Variants in CCDC73 observed in about 807,000 individuals in gnomAD.
The protein encoded by CCDC73 is coiled-coil domain containing 73.
CCDC73 carries 95 observed loss-of-function variants against 116.5 expected under a neutral mutation model. The ratio of observed to expected loss-of-function variants is 0.82; its 90% CI spans 0.69 to 0.97. The LOEUF is 0.97. CCDC73 is among the 50% of genes least tolerant of loss of function. The pLI, the probability that CCDC73 is intolerant of heterozygous loss-of-function variation, is 0.00. For synonymous variants in CCDC73, 398 were observed against 401.3 expected (o/e 0.99, Z 0.10); for missense variants, 1,066 against 1,206.8 (o/e 0.88, Z 1.73).
the CCDC73 span, among the ~76,000 whole-genome samples, chr11:32,827,003 AG>A: frequency 6.6e-6 from 1 of 152,016 alleles, no homozygotes. Flanking sequence ...CTGGACTTAC[AG>A]GTGCCTGCCA....
intron 17 of CCDC73, 68 bp from the exon 18 acceptor site, chr11:32,603,088 C>T: frequency 7.6e-7 from 1 of 1,309,910 alleles, no homozygotes; most frequent in South Asian, 1.4e-5. Context: ...TCTGTAAAGC[C>T]TCTGCAGTTA....
At chr11:32,796,127 C>T (rs528452909), upstream of CCDC73, among the ~76,000 whole-genome samples, 23 of 152,314 alleles carry the variant, frequency 1.5e-4, no homozygotes, top group African/African-American at 5.1e-4. Flanking sequence ...TAGTAACACC[C>T]ATGCACATCC....
intron 2 of CCDC73, among the ~76,000 whole-genome samples, chr11:32,755,658 CAT>C (rs1491453472): frequency 4.1e-5 from 2 of 48,908 alleles, no homozygotes; most frequent in African/African-American, 8.6e-5. Flanking sequence ...TATATATCTC[CAT>C]ATATATGTGT....
In CCDC73 at chr11:32,776,948, TATATATATATATACACAC is replaced by T. The variant is rs1850538666; in HGVS notation, c.-15-16708_-15-16691del. ...GTTAAAAAAAAAAAATATATATATATATATATATATATACACACACACACATATATATATACACATGTA... is the reference window on the plus strand; with the variant it reads ...GTTAAAAAAAAAAAATATATATATATACACACATATATATATACACATGTA... On this transcript the variant is annotated intron_variant, in intron 1 of 17. Transcript: ENST00000335185. 3.7e-5 allele frequency among the ~76,000 whole-genome samples: 5 copies of T among 136,976 alleles called. No homozygotes were observed. The South Asian group carries it at 1.1e-3, about 31-fold the overall frequency. The allele number at this position is 136,976 out of a possible 152,430, so 89.9% of individuals were successfully genotyped here.
At chr11:32,620,115 T>C (rs2133226814) in intron 14 of CCDC73, among the ~76,000 whole-genome samples, 1 of 152,276 alleles carries the variant, frequency 6.6e-6, no homozygotes, top group Non-Finnish European at 1.5e-5. Flanking sequence ...GGCTTGATGG[T>C]TCTGACTCAG....
the CCDC73 span, among the ~76,000 whole-genome samples, chr11:32,813,879 T>C: frequency 1.3e-5 from 2 of 152,218 alleles, no homozygotes; most frequent in African/African-American, 2.4e-5. Flanking sequence ...AAGTTATTCT[T>C]AGCCTTTTAC....
At chr11:32,699,539 A>G (rs1036828513) in intron 5 of CCDC73, among the ~76,000 whole-genome samples, 2 of 152,244 alleles carry the variant, frequency 1.3e-5, no homozygotes, top group African/African-American at 4.8e-5. Flanking sequence ...ACCATGGAAT[A>G]CTATGCAGCC....
Position 32,622,754 on chromosome 11 carries a change from T to C in CCDC73, c.1186-6625A>G, listed in dbSNP as rs374605107. On this transcript the variant is annotated intron_variant, in intron 14 of 17. Coordinates refer to ENST00000335185, the MANE Select transcript of CCDC73 (RefSeq NM_001008391.4). Reference sequence around the variant, plus strand: ...GGGGGGGAATGGTGTAAAGATTAAATTATATATATAATACACACAGTGCAT... The same window carrying C: ...GGGGGGGAATGGTGTAAAGATTAAACTATATATATAATACACACAGTGCAT... 2.6e-5 allele frequency among the ~76,000 whole-genome samples: 4 copies of C among 151,134 alleles called. No homozygotes were observed. The East Asian group carries it at 7.8e-4, about 29-fold the overall frequency.
rs368120935 is a variant in CCDC73, at chr11:32,783,686, A to G, written c.-16+10927T>C. On this transcript the variant is annotated intron_variant, in intron 1 of 17. Coordinates refer to ENST00000335185, the MANE Select transcript of CCDC73 (RefSeq NM_001008391.4). The stretch of plus-strand genomic sequence containing the variant: ...TTCATAAGGGTGCTAATCCCATTCA[A>G]GAGGACTCTGCCTTCATGACCTAAT... Among the ~76,000 whole-genome samples the G allele has an allele frequency of 4.6e-5, 7 of 152,118 alleles. No homozygotes were observed. The South Asian group carries it at 1.5e-3, about 32-fold the overall frequency.
At chr11:32,610,327 G>A (rs558557288) in intron 17 of CCDC73, among the ~76,000 whole-genome samples, 49 of 152,076 alleles carry the variant, frequency 3.2e-4, no homozygotes, top group Non-Finnish European at 4.7e-4. Flanking sequence ...ACCATATCAA[G>A]GATAGTTCCT....
At chr11:32,619,437 G>A (rs1855502843) in intron 14 of CCDC73, among the ~76,000 whole-genome samples, 1 of 152,226 alleles carries the variant, frequency 6.6e-6, no homozygotes, top group Non-Finnish European at 1.5e-5. Flanking sequence ...TTGGGAGGCT[G>A]AGATGAGAGG....
chr11:32,758,264 C>T, intron 2 of CCDC73: 1 of 420,724 alleles, frequency 2.4e-6, no homozygotes, highest in Non-Finnish European at 4.8e-6. Flanking sequence ...TAGATGCACT[C>T]AAAATGGTCC....
rs190292880 is a variant in CCDC73 at position 32,627,740 on chromosome 11, T to C, written c.1185+7956A>G. ...CAAGGACAAAAAACCAAACACCGCA[T>C]GTTCTCACTCATAGGTGGGAATTGA... is the stretch of plus-strand genomic sequence containing the variant. On this transcript the variant is annotated intron_variant, in intron 14 of 17. Coordinates refer to ENST00000335185, the MANE Select transcript of CCDC73 (RefSeq NM_001008391.4). 3.1e-4 allele frequency among the ~76,000 whole-genome samples: 47 copies of C among 152,244 alleles called. No individual in the cohort carries two copies. The East Asian group carries it at 9.1e-3, about 29-fold the overall frequency.
intron 14 of CCDC73, among the ~76,000 whole-genome samples, chr11:32,632,799 A>T (rs1363546209): frequency 6.6e-6 from 1 of 152,048 alleles, no homozygotes; most frequent in Non-Finnish European, 1.5e-5. Context: ...ACCGAATGAA[A>T]ATGAAAAAAC....
chr11:32,745,780 A>G (rs1282489428), intron 2 of CCDC73, among the ~76,000 whole-genome samples: 1 of 110,656 alleles, frequency 9.0e-6, no homozygotes, highest in Non-Finnish European at 1.8e-5. Context: ...TTTGCTTGGT[A>G]TATCCTCCTC....
rs144307184 is a variant in CCDC73, at chr11:32,652,551, C to T, written c.939+572G>A. 2.8e-3 allele frequency among the ~76,000 whole-genome samples: 429 copies of T among 152,242 alleles called. 4 individuals carry two copies. Among genetic ancestry groups the T allele is most frequent in the African/African-American group, 8.2e-3 (339 of 41,532 alleles). ...TCACTCAGCTTTATAAGGGGAAATG[C>T]GCCTGCCTCTGCTAGGGATGTAAGA... On this transcript the variant is annotated intron_variant, in intron 12 of 17. Coordinates refer to ENST00000335185, the MANE Select transcript of CCDC73 (RefSeq NM_001008391.4).
chr11:32,675,187 G>A (rs767439217), intron 9 of CCDC73, among the ~76,000 whole-genome samples: 24 of 151,964 alleles, frequency 1.6e-4, no homozygotes, highest in African/African-American at 3.4e-4. Flanking sequence ...TCTAACTTTC[G>A]TAAAAGTAGA....
chr11:32,714,142 A>G (rs1201874455), intron 3 of CCDC73, among the ~76,000 whole-genome samples: 1 of 152,064 alleles, frequency 6.6e-6, no homozygotes, highest in Non-Finnish European at 1.5e-5. Flanking sequence ...TTTATTTAGA[A>G]ATTCATTGCC....
chr11:32,802,582 G>C, the CCDC73 span, among the ~76,000 whole-genome samples: 1 of 152,192 alleles, frequency 6.6e-6, no homozygotes, highest in Non-Finnish European at 1.5e-5. Flanking sequence ...ACTGTATACA[G>C]AATTCTTCCT....
Sources: allele counts gnomAD v4.1 joint callset (sites outside exome capture counted in the v4.1 genomes callset), GRCh38; gene constraint gnomAD v4.1.1; transcripts MANE v1.5; gene names NCBI Gene and HGNC (gene_info 2026-07-23, HGNC 2026-07-21).